Variants in IMMP2L observed in about 807,000 individuals in gnomAD.
The protein encoded by IMMP2L is mitochondrial inner membrane protease subunit 2.
A neutral mutation model predicts 19.3 loss-of-function variants in IMMP2L; 18 were observed. The observed-to-expected ratio is 0.93, with a 90% CI of 0.64 to 1.38. The LOEUF (loss-of-function observed/expected upper bound fraction) is 1.38. Ranked by LOEUF, IMMP2L falls within the 40% of genes most tolerant of loss-of-function variation. The pLI is 0.00. For synonymous variants in IMMP2L, 76 were observed against 73.0 expected (o/e 1.04, Z -0.21); for missense variants, 233 against 218.2 (o/e 1.07, Z -0.43).
intron 5 of IMMP2L, among the ~76,000 whole-genome samples, chr7:110,683,604 G>T (rs1792891884): frequency 6.6e-6 from 1 of 152,002 alleles, no homozygotes; most frequent in African/African-American, 2.4e-5. Context: ...TTTATTTTTT[G>T]TAAAGACTCA....
intron 1 of IMMP2L, among the ~76,000 whole-genome samples, chr7:111,553,707 A>G (rs1790935907): frequency 6.6e-6 from 1 of 152,192 alleles, no homozygotes; most frequent in Admixed American, 6.5e-5. Flanking sequence ...TAGGTCTTCA[A>G]CCTTGTAGCA....
chr7:111,549,661 C>T (rs189419566), intron 1 of IMMP2L, among the ~76,000 whole-genome samples: 1 of 152,044 alleles, frequency 6.6e-6, no homozygotes, highest in Non-Finnish European at 1.5e-5. Flanking sequence ...AGATTCTGGC[C>T]ACGTGTGGTG....
At chr7:110,873,879 G>C (rs1037710819) in intron 5 of IMMP2L, among the ~76,000 whole-genome samples, 1 of 152,026 alleles carries the variant, frequency 6.6e-6, no homozygotes, top group Non-Finnish European at 1.5e-5. Flanking sequence ...CTTTTGGGGA[G>C]AAGTAGAAAA....
chr7:111,238,796 C>G (rs1814647686), intron 3 of IMMP2L, among the ~76,000 whole-genome samples: 1 of 152,016 alleles, frequency 6.6e-6, no homozygotes, highest in Non-Finnish European at 1.5e-5. Context: ...TGCAGTCAGA[C>G]AGACCTAGCT....
chr7:110,766,113 T>C lies in IMMP2L; in HGVS notation c.409-102392A>G, dbSNP rs561422354. 4.6e-5 allele frequency among the ~76,000 whole-genome samples: 7 copies of C among 152,278 alleles called. No individual in the cohort carries two copies. In the South Asian group the frequency reaches 1.5e-3, roughly 32 times the overall value. ...TTAAATATAATTTGTTGTGACTGTATTGGTTATTGAGTTATCTACAAATAG... is the reference window on the plus strand; with the variant it reads ...TTAAATATAATTTGTTGTGACTGTACTGGTTATTGAGTTATCTACAAATAG... On this transcript the variant is annotated intron_variant, in intron 5 of 5. Coordinates refer to ENST00000405709, the MANE Select transcript of IMMP2L (RefSeq NM_032549.4).
chr7:111,065,718 G>C (rs1794427112), intron 3 of IMMP2L, among the ~76,000 whole-genome samples: 1 of 152,148 alleles, frequency 6.6e-6, no homozygotes, highest in Admixed American at 6.5e-5. Context: ...CGGACTCCAA[G>C]TTCTCCTGTT....
At chr7:111,418,214 C>A (rs187464242) in intron 3 of IMMP2L, among the ~76,000 whole-genome samples, 7 of 151,768 alleles carry the variant, frequency 4.6e-5, no homozygotes, top group Admixed American at 4.6e-4. Flanking sequence ...TACATATTGA[C>A]TTGTATATAA....
At chr7:111,336,705 C>G (rs144251586) in intron 3 of IMMP2L, among the ~76,000 whole-genome samples, 19 of 152,110 alleles carry the variant, frequency 1.2e-4, no homozygotes, top group Non-Finnish European at 2.1e-4. Context: ...TGAAAGTTCT[C>G]TCTTCAATTA....
intron 3 of IMMP2L, among the ~76,000 whole-genome samples, chr7:111,466,602 C>T (rs571395957): frequency 1.3e-5 from 2 of 152,186 alleles, no homozygotes; most frequent in African/African-American, 4.8e-5. Context: ...TGTACTATAT[C>T]TGTGTATTTA....
At chr7:110,750,020 C>T (rs1310500453) in intron 5 of IMMP2L, among the ~76,000 whole-genome samples, 3 of 152,068 alleles carry the variant, frequency 2.0e-5, no homozygotes, top group Admixed American at 6.6e-5. Flanking sequence ...TAAACTCTAA[C>T]AGCATAAATA....
At chr7:110,987,351 C>G (rs933970650) in intron 3 of IMMP2L, among the ~76,000 whole-genome samples, 53 of 152,272 alleles carry the variant, frequency 3.5e-4, no homozygotes, top group African/African-American at 1.3e-3. Context: ...CTCAGTAAAC[C>G]TGTTTCTGAA....
At chr7:110,830,755 T>C (rs1236183026) in intron 5 of IMMP2L, among the ~76,000 whole-genome samples, 1 of 152,112 alleles carries the variant, frequency 6.6e-6, no homozygotes, top group East Asian at 1.9e-4. Flanking sequence ...ATTTTCTCTC[T>C]CTTCCTCCCT....
At chr7:111,516,165 G>T (rs113149689) in intron 2 of IMMP2L, among the ~76,000 whole-genome samples, 3,048 of 152,122 alleles carry the variant, frequency 0.02, 105 homozygotes, top group African/African-American at 0.07. Flanking sequence ...ATACTACTAT[G>T]AATAAAGTGT....
intron 5 of IMMP2L, among the ~76,000 whole-genome samples, chr7:110,810,220 T>C (rs1801938595): frequency 6.6e-6 from 1 of 152,208 alleles, no homozygotes; most frequent in South Asian, 2.1e-4. Flanking sequence ...ATTTAATTCA[T>C]TTATCAATAT....
rs956515059 is a variant in IMMP2L, at chr7:111,317,655, T to C, written c.239+169583A>G. ...CAATTTGTCTTCATTCCCCAGATCA[T>C]AAACCCAAGGAGACCATTATAAGGC... On this transcript the variant is annotated intron_variant, in intron 3 of 5. Coordinates refer to ENST00000405709, the MANE Select transcript of IMMP2L (RefSeq NM_032549.4). Among the ~76,000 whole-genome samples, 59 of 152,146 alleles carry C rather than the reference T, an allele frequency of 3.9e-4. 3 individuals carry two copies. Among genetic ancestry groups the C allele is most frequent in the South Asian group, 2.1e-4 (1 of 4,828 alleles).
intron 3 of IMMP2L, among the ~76,000 whole-genome samples, chr7:111,203,780 T>C (rs1415330282): frequency 2.0e-5 from 3 of 152,000 alleles, no homozygotes; most frequent in African/African-American, 7.2e-5. Flanking sequence ...ATTTATGCAG[T>C]ATAATAAAGA....
chr7:111,034,264 C>T (rs1791119427), intron 3 of IMMP2L, among the ~76,000 whole-genome samples: 1 of 152,016 alleles, frequency 6.6e-6, no homozygotes, highest in Admixed American at 6.6e-5. Flanking sequence ...AGATAAAATT[C>T]TTACCCTGCA....
chr7:111,208,276 A>T lies in IMMP2L; in HGVS notation c.240-244711T>A, dbSNP rs531393394. Among the ~76,000 whole-genome samples, 11 of 152,320 alleles carry T rather than the reference A, an allele frequency of 7.2e-5. No homozygotes were observed. In the South Asian group the frequency reaches 2.3e-3, roughly 32 times the overall value. On this transcript the variant is annotated intron_variant, in intron 3 of 5. Coordinates refer to ENST00000405709, the MANE Select transcript of IMMP2L (RefSeq NM_032549.4). ...GAACAACAAAGTGAAAATTTCATTG[A>T]TACAATTATTTTATTTACTATTTGT...
intron 3 of IMMP2L, among the ~76,000 whole-genome samples, chr7:111,462,866 C>T (rs1386756213): frequency 1.3e-5 from 2 of 152,008 alleles, no homozygotes; most frequent in Non-Finnish European, 2.9e-5. Context: ...GGCTCTGTGG[C>T]TATATATACA....
Sources: allele counts gnomAD v4.1 joint callset (sites outside exome capture counted in the v4.1 genomes callset), GRCh38; gene constraint gnomAD v4.1.1; transcripts MANE v1.5; gene names NCBI Gene and HGNC (gene_info 2026-07-23, HGNC 2026-07-21).